Variants in PREPL observed in about 807,000 individuals in gnomAD.
PREPL encodes the protein prolyl endopeptidase like.
A neutral mutation model predicts 70.6 loss-of-function variants in PREPL; 77 were observed. The ratio of observed to expected loss-of-function variants is 1.09; its 90% CI spans 0.91 to 1.32. The LOEUF (loss-of-function observed/expected upper bound fraction) is 1.32, where lower values mean the gene tolerates loss of function less well. Among genes scored for constraint, PREPL ranks in the 40% most tolerant of loss-of-function variants. The probability of loss-of-function intolerance (pLI) is 0.00; values close to 1 mark genes in which losing one functional copy is unlikely to be tolerated. For missense variants in PREPL, 1,002 were observed against 778.2 expected (o/e 1.29, Z -3.42); for synonymous variants, 315 against 264.8 (o/e 1.19, Z -1.84).
At chr2:44,340,649 T>C (rs1441196922) in intron 5 of PREPL, among the ~76,000 whole-genome samples, 2 of 152,108 alleles carry the variant, frequency 1.3e-5, no homozygotes, top group Non-Finnish European at 2.9e-5. Flanking sequence ...GAATATTGGC[T>C]GGGCACAGTG....
At chr2:44,341,471 C>T (rs1181269880) in intron 5 of PREPL, among the ~76,000 whole-genome samples, 4 of 152,142 alleles carry the variant, frequency 2.6e-5, no homozygotes, top group African/African-American at 9.6e-5. Flanking sequence ...TTATTTTCAA[C>T]ACTTTCTTCG....
chr2:44,339,154 T>G lies in PREPL; in HGVS notation c.695A>C (p.Glu232Ala). The change falls in exon 6 of 14, where the codon GAA (glutamate) becomes GCA (alanine). Residue 232 changes from glutamate (E) to alanine (A), a missense_variant. Glu to Ala is a moderately radical substitution (Grantham distance 107, BLOSUM62 -1). Transcript: ENST00000409411. ...YILTNVGEPT[E>A]FKLMRTAADT... is the part of the protein sequence containing the mutation. ...ACGAGCATCCAGGATTACCTTAAAT[T>G]CTGTAGGTTCTCCAACATTAGTGAG... 1 of 1,613,938 alleles carries G rather than the reference T, an allele frequency of 6.2e-7. No individual in the cohort carries two copies. The highest frequency in any genetic ancestry group is 1.3e-5 in the African/African-American group (1 of 75,032).
chr2:44,327,528 A>G (rs1394686690), intron 9 of PREPL, among the ~76,000 whole-genome samples: 2 of 152,172 alleles, frequency 1.3e-5, no homozygotes, highest in African/African-American at 2.4e-5. Context: ...CACAGCATGT[A>G]TAAGGGCAAG....
chr2:44,357,892 A>G (rs1395637165), intron 1 of PREPL, among the ~76,000 whole-genome samples: 2 of 152,234 alleles, frequency 1.3e-5, no homozygotes, highest in African/African-American at 4.8e-5. Flanking sequence ...GAAGTTATAA[A>G]GAATTTCTAA....
chr2:44,335,710 A>C (rs7606810), intron 7 of PREPL, among the ~76,000 whole-genome samples: 2,535 of 152,256 alleles, frequency 0.017, 55 homozygotes, highest in African/African-American at 0.054. Context: ...GAAACTAAAG[A>C]GTTCCTGCAC....
At chr2:44,333,926 T>G (rs1446542848) in intron 7 of PREPL, among the ~76,000 whole-genome samples, 3 of 152,244 alleles carry the variant, frequency 2.0e-5, no homozygotes, top group Non-Finnish European at 4.4e-5. Context: ...CAAGTTTTTC[T>G]GCCCTTTGAT....
At chr2:44,338,660 T>A (rs2103917126) in intron 6 of PREPL, 124 bp from the exon 7 acceptor site, 3 of 772,738 alleles carry the variant, frequency 3.9e-6, no homozygotes, top group Middle Eastern at 2.6e-4. Flanking sequence ...CTGAAGGAAC[T>A]AACGCTGCAT....
chr2:44,326,222 A>C (rs1051622259), intron 10 of PREPL, among the ~76,000 whole-genome samples: 2 of 152,214 alleles, frequency 1.3e-5, no homozygotes, highest in African/African-American at 4.8e-5. Flanking sequence ...GGAAAGCCTT[A>C]AAGATAATAA....
At chr2:44,330,220 T>C (rs1168715897) in intron 8 of PREPL, among the ~76,000 whole-genome samples, 1 of 152,062 alleles carries the variant, frequency 6.6e-6, no homozygotes, top group Non-Finnish European at 1.5e-5. Flanking sequence ...AAAAGTTGCT[T>C]GTTGAAAAGT....
chr2:44,332,503 T>C lies in PREPL; in HGVS notation c.1042A>G (p.Ile348Val), dbSNP rs893139776. Residue 348 changes from isoleucine to valine, a missense_variant, in exon 8 of 14, where the codon ATC becomes GTC. Coordinates refer to ENST00000409411, the MANE Select transcript of PREPL (RefSeq NM_001171613.2). ...CGTAAAACGCGACTAGTCTTTGTGA[T>C]TGGGTCTTCATGCCCAGTTTCCTCA... ...LFEETGHEDP[I>V]TKTSRVLRLE... 23 of 1,614,034 alleles carry C rather than the reference T, an allele frequency of 1.4e-5. No individual in the cohort carries two copies. The highest frequency in any genetic ancestry group is 6.7e-5 in the African/African-American group (5 of 74,926).
intron 5 of PREPL, among the ~76,000 whole-genome samples, chr2:44,342,106 AC>A (rs1423783975): frequency 3.3e-5 from 5 of 152,170 alleles, no homozygotes; most frequent in African/African-American, 1.2e-4. Flanking sequence ...CAAAGGTGAA[AC>A]AGACTCAGTC....
At position 44,317,961 on chromosome 2, in the gene PREPL, AT is replaced by A. The variant is rs1672570310; in HGVS notation, c.*3394del. 1 of 262,480 alleles carries A rather than the reference AT, an allele frequency of 3.8e-6. No individual in the cohort carries two copies. The highest frequency in any genetic ancestry group is 5.2e-5 in the Admixed American group (1 of 19,150). The allele number at this position is 262,480 out of a possible 1,614,324, so 16.3% of individuals were successfully genotyped here. On this transcript the variant is annotated 3_prime_UTR_variant, in exon 14 of 14. Coordinates refer to ENST00000409411, the MANE Select transcript of PREPL (RefSeq NM_001171613.2). ...ATTAAAATGAAGATATAGCAAGCAAATAATAGAAAGCTTGCAACCCAGCTAT... is the reference window on the plus strand; with the variant it reads ...ATTAAAATGAAGATATAGCAAGCAAAAATAGAAAGCTTGCAACCCAGCTAT...
At chr2:44,356,321 C>T (rs572662324) in intron 1 of PREPL, 2 of 152,342 alleles carry the variant, frequency 1.3e-5, no homozygotes, top group South Asian at 2.1e-4. Flanking sequence ...GCAGGTGGAT[C>T]ACCTGAAGTC....
rs146625374 is a variant in PREPL, at chr2:44,332,032, C to T, written c.1086+427G>A. 2.7e-3 allele frequency among the ~76,000 whole-genome samples: 416 copies of T among 151,344 alleles called. 7 individuals are homozygous for T. The East Asian group carries it at 0.065, about 24-fold the overall frequency. On this transcript the variant is annotated intron_variant, in intron 8 of 13. Transcript: ENST00000409411. Reference sequence around the variant, plus strand: ...CACGATCTAGGCTCACTGCATGCTCCGCCTCCTGGGTTCACGCCATTCTCC... The same window carrying T: ...CACGATCTAGGCTCACTGCATGCTCTGCCTCCTGGGTTCACGCCATTCTCC...
chr2:44,325,184 T>G (rs1673372864), intron 10 of PREPL, among the ~76,000 whole-genome samples: 1 of 152,138 alleles, frequency 6.6e-6, no homozygotes, highest in Non-Finnish European at 1.5e-5. Flanking sequence ...AGCTTGGGAG[T>G]AGCTGTGTGA....
chr2:44,338,573 A>C (rs146225218), intron 6 of PREPL, 37 bp from the exon 7 acceptor site: 1 of 1,519,214 alleles, frequency 6.6e-7, no homozygotes, highest in Non-Finnish European at 8.9e-7. Context: ...ATAGGTAAGA[A>C]AACACGAAGG....
chr2:44,348,577 C>T (rs2104062773), intron 1 of PREPL, among the ~76,000 whole-genome samples: 1 of 152,298 alleles, frequency 6.6e-6, no homozygotes, highest in African/African-American at 2.4e-5. Flanking sequence ...ATAGCCAACA[C>T]AGAGCCAAAA....
chr2:44,325,370 G>T (rs1056159119), intron 10 of PREPL, among the ~76,000 whole-genome samples: 2 of 152,210 alleles, frequency 1.3e-5, no homozygotes, highest in Non-Finnish European at 2.9e-5. Context: ...TGGCAGTGGC[G>T]GCAGTAATAG....
At chr2:44,327,092 C>CTGTA (rs1418095705) in intron 9 of PREPL, among the ~76,000 whole-genome samples, 164 bp from the exon 10 acceptor site, 1 of 152,190 alleles carries the variant, frequency 6.6e-6, no homozygotes, top group Non-Finnish European at 1.5e-5. Flanking sequence ...GCAACAGAAA[C>CTGTA]TGTACGCGGC....
Sources: gnomAD v4.1 joint callset for allele counts (sites outside exome capture counted in the v4.1 genomes callset) on GRCh38, gnomAD v4.1.1 for gene constraint, MANE v1.5 for transcripts, NCBI Gene and HGNC (gene_info 2026-07-23, HGNC 2026-07-21) for gene names.